Variants in EVPLL observed in about 807,000 individuals in gnomAD.
The protein encoded by EVPLL is envoplakin-like protein.
A neutral mutation model predicts 46.2 loss-of-function variants in EVPLL; 39 were observed. The ratio of observed to expected loss-of-function variants is 0.84; its 90% CI spans 0.65 to 1.10. The LOEUF is 1.10. Ranked by LOEUF, EVPLL falls within the 50% of genes least tolerant of loss-of-function variation. The pLI is 0.00. For synonymous variants in EVPLL, 156 were observed against 165.8 expected (o/e 0.94, Z 0.46); for missense variants, 385 against 412.6 (o/e 0.93, Z 0.58).
At chr17:18,380,504 C>A in intron 1 of EVPLL, 1 of 182,280 alleles carries the variant, frequency 5.5e-6, no homozygotes, top group South Asian at 1.3e-4. Flanking sequence ...CATGCTGCTG[C>A]CTCCCTGCCC....
In EVPLL at chr17:18,381,410, A is replaced by G. The variant is rs773642444; in HGVS notation, c.107A>G (p.Gln36Arg). ...CAGAGCCAGGCCCTGCAGCACCAGC[A>G]GGAGACGGGCAGCAGCCTGAAGGAG... ...SEQSQALQHQ[Q>R]ETGSSLKEAE... The change falls in exon 3 of 11, where the codon CAG becomes CGG. Residue 36 changes from glutamine (Q) to arginine (R), a missense_variant. Gln to Arg is a conservative substitution (Grantham distance 43). Transcript: ENST00000399134. The surrounding 1 kb of genome is among the most constrained non-coding windows in gnomAD (Gnocchi z 4.2). The G allele has an allele frequency of 6.2e-7, 1 of 1,602,878 alleles. No individual in the cohort carries two copies. Among genetic ancestry groups the G allele is most frequent in the African/African-American group, 1.3e-5 (1 of 74,648 alleles).
Position 18,381,814 on chromosome 17 carries a change from A to G in EVPLL, c.346+84A>G, listed in dbSNP as rs1598095813. On this transcript the variant is annotated intron_variant, in intron 4 of 10. Transcript: ENST00000399134. The surrounding 1 kb of genome is among the most constrained non-coding windows in gnomAD (Gnocchi z 4.2). The stretch of plus-strand genomic sequence containing the variant: ...ACCCAGGGCCTGACTGTAGGCTTGA[A>G]CAGTCAGTGTATAGTGGTGTCTCAG... 35 of 1,600,426 alleles carry G rather than the reference A, an allele frequency of 2.2e-5. 1 individual carries two copies. The East Asian group carries it at 7.8e-4, about 36-fold the overall frequency.
chr17:18,387,398 C>G (rs904935575), intron 9 of EVPLL, among the ~76,000 whole-genome samples: 1 of 149,518 alleles, frequency 6.7e-6, no homozygotes, highest in African/African-American at 2.5e-5. Context: ...GATTACTGTA[C>G]CAGCCTCCCC....
chr17:18,383,699 G>A (rs1327320738), intron 9 of EVPLL, 112 bp downstream of exon 9: 1 of 995,114 alleles, frequency 1.0e-6, no homozygotes, highest in South Asian at 1.6e-5. Context: ...CTGGCAAGTC[G>A]CGGTGGCTCA....
intron 9 of EVPLL, among the ~76,000 whole-genome samples, chr17:18,384,227 G>C (rs1987696017): frequency 6.6e-6 from 1 of 152,162 alleles, no homozygotes; most frequent in Non-Finnish European, 1.5e-5. Flanking sequence ...AGCACTTTGG[G>C]AGGCCGAGCC....
At chr17:18,380,815 G>T in intron 1 of EVPLL, 87 bp from the exon 2 acceptor site, 3 of 1,127,364 alleles carry the variant, frequency 2.7e-6, no homozygotes, top group Non-Finnish European at 2.6e-6. Flanking sequence ...GCGGGATGGG[G>T]TGGAGAGAGG....
intron 1 of EVPLL, chr17:18,380,503 G>A: frequency 5.5e-6 from 1 of 182,518 alleles, no homozygotes; most frequent in South Asian, 1.3e-4. Context: ...GCATGCTGCT[G>A]CCTCCCTGCC....
At position 18,381,576 on chromosome 17, in the gene EVPLL, C is replaced by T; in HGVS notation, c.219-27C>T. ...CCCTGGGGAAGACCCAGGCCCAGCC[C>T]TGACCTGCTGGCCACCTTCTTGACA... On this transcript the variant is annotated intron_variant, in intron 3 of 10. Transcript: ENST00000399134. This position sits in a 1 kb window ranked among gnomAD's most constrained non-coding sequence, Gnocchi z 4.2. 4 of 1,613,974 alleles carry T rather than the reference C, an allele frequency of 2.5e-6. No homozygotes were observed. The highest frequency in any genetic ancestry group is 3.4e-6 in the Non-Finnish European group (4 of 1,179,976).
In EVPLL at chr17:18,381,625, G is replaced by A; in HGVS notation, c.241G>A (p.Val81Met). Residue 81 changes from valine to methionine, a missense_variant, in exon 4 of 11, where the codon GTG becomes ATG. Val to Met is a conservative substitution (Grantham distance 21). Transcript: ENST00000399134. The surrounding 1 kb of genome is among the most constrained non-coding windows in gnomAD (Gnocchi z 4.2). Reference protein sequence around the residue: ...EKDIEQLHERVTQECAEYCAL... With the variant: ...EKDIEQLHERMTQECAEYCAL... ...CAGCATCGAGCAGCTGCACGAGCGGGTGACCCAGGAGTGTGCGGAGTACTG... is the reference window on the plus strand; with the variant it reads ...CAGCATCGAGCAGCTGCACGAGCGGATGACCCAGGAGTGTGCGGAGTACTG... 6.2e-7 allele frequency: 1 copy of A among 1,614,182 alleles called. No homozygotes were observed. The highest frequency in any genetic ancestry group is 1.1e-5 in the South Asian group (1 of 91,084).
intron 9 of EVPLL, among the ~76,000 whole-genome samples, chr17:18,386,930 T>C (rs1442216824): frequency 1.3e-5 from 2 of 151,410 alleles, no homozygotes; most frequent in Admixed American, 1.3e-4. Context: ...AGTCTTGCTC[T>C]GTCGCCCAGG....
intron 9 of EVPLL, among the ~76,000 whole-genome samples, chr17:18,385,876 C>G (rs1037820807): frequency 1.3e-5 from 2 of 152,186 alleles, no homozygotes; most frequent in African/African-American, 4.8e-5. Flanking sequence ...TGCACCCCGC[C>G]GTCCCCACCC....
At chr17:18,382,173 G>A (rs1481866393) in intron 4 of EVPLL, 20 of 347,816 alleles carry the variant, frequency 5.8e-5, no homozygotes, top group Admixed American at 2.8e-4. Flanking sequence ...GCAGCAGGGC[G>A]TTCTGAGGGC....
At chr17:18,382,899 A>T (rs1158338738) in intron 6 of EVPLL, 35 bp downstream of exon 6, 11 of 1,595,974 alleles carry the variant, frequency 6.9e-6, no homozygotes, top group Non-Finnish European at 8.6e-6. Context: ...GGGTGGCTGC[A>T]GGTGGGCCTG....
chr17:18,387,712 C>CTTAAAAACATGTGTAA (rs915589742), intron 9 of EVPLL, among the ~76,000 whole-genome samples: 3 of 152,136 alleles, frequency 2.0e-5, no homozygotes, highest in Non-Finnish European at 2.9e-5. Flanking sequence ...ATTTATGCCT[C>CTTAAAAACATGTGTAA]TTAAAAACAT....
Position 18,381,235 on chromosome 17 carries a change from T to C in EVPLL, c.64-132T>C. On this transcript the variant is annotated intron_variant, in intron 2 of 10. Coordinates refer to ENST00000399134, the MANE Select transcript of EVPLL (RefSeq NM_001145127.2). This position sits in a 1 kb window ranked among gnomAD's most constrained non-coding sequence, Gnocchi z 4.2. ...CTCATGGACGCCCTGGGCCTGACCCTGTGCCTGGCGTGGGCCTCGAGGTTG... is the reference window on the plus strand; with the variant it reads ...CTCATGGACGCCCTGGGCCTGACCCCGTGCCTGGCGTGGGCCTCGAGGTTG... 2 of 1,407,010 alleles carry C rather than the reference T, an allele frequency of 1.4e-6. No individual in the cohort carries two copies. The highest frequency in any genetic ancestry group is 9.4e-7 in the Non-Finnish European group (1 of 1,064,082). 87.2% of individuals were successfully genotyped at this position (1,407,010 alleles called of 1,614,324 possible). A position where few individuals can be genotyped will look rare whatever the true frequency, so the allele number is the denominator to read the frequency against.
chr17:18,384,341 C>T (rs913134719), intron 9 of EVPLL, among the ~76,000 whole-genome samples: 25 of 151,410 alleles, frequency 1.7e-4, no homozygotes, highest in Middle Eastern at 3.2e-3. Context: ...CATGGTGGCT[C>T]GTGCCTATTG....
Position 18,381,678 on chromosome 17 carries a change from G to T in EVPLL, c.294G>T (p.Pro98=). The part of the protein sequence containing the change: ...YCALYEKMVL[P]PRRGIQGRLG... ...CCCTGTACGAGAAGATGGTGCTGCC[G>T]CCCCGACGTGGGATCCAAGGTCGAC... The change falls in exon 4 of 11, where the codon CCG becomes CCT. Residue 98 remains proline (P), a synonymous_variant. Transcript: ENST00000399134. The surrounding 1 kb of genome is among the most constrained non-coding windows in gnomAD (Gnocchi z 4.2). The T allele has an allele frequency of 1.9e-6, 3 of 1,614,186 alleles. No individual in the cohort carries two copies. Among genetic ancestry groups the T allele is most frequent in the Non-Finnish European group, 1.7e-6 (2 of 1,180,032 alleles).
rs765366985 is a variant in EVPLL, at chr17:18,383,107, G to T, written c.594G>T (p.Ala198=). 3.2e-6 allele frequency: 5 copies of T among 1,550,068 alleles called. No homozygotes were observed. In the African/African-American group the frequency reaches 5.4e-5, roughly 17 times the overall value. Residue 198 remains alanine, a synonymous_variant, in exon 7 of 11, where the codon GCG becomes GCT. Transcript: ENST00000399134. ...QGCTWQLSAL[A]EQQRRILQQD... ...GCACGTGGCAGCTGAGCGCCCTGGC[G>T]GAGCAGCAGCGCCGCATCCTGCAGC...
At chr17:18,380,074 CT>C (rs2151626577) in intron 1 of EVPLL, 1 of 152,520 alleles carries the variant, frequency 6.6e-6, no homozygotes, top group African/African-American at 2.4e-5. Flanking sequence ...AAGGCTTCCC[CT>C]GCCCCAGGAT....
Sources: allele counts gnomAD v4.1 joint callset (sites outside exome capture counted in the v4.1 genomes callset), GRCh38; gene constraint gnomAD v4.1.1; non-coding constraint Gnocchi (gnomAD v3.1); transcripts MANE v1.5; gene names NCBI Gene and HGNC (gene_info 2026-07-23, HGNC 2026-07-21).